MARK3: variants seen among roughly 807,000 people sequenced by gnomAD.
MARK3 encodes the protein microtubule affinity regulating kinase 3.
A neutral mutation model predicts 90.1 loss-of-function variants in MARK3; 46 were observed. That is an observed-to-expected ratio of 0.51 (90% CI 0.40 to 0.65). The LOEUF is 0.65. MARK3 is among the 30% of genes least tolerant of loss of function. The pLI is 0.00. For missense variants in MARK3, 818 were observed against 947.2 expected, an observed-to-expected ratio of 0.86 and a Z score of 1.79; for synonymous variants, 321 against 332.6, an observed-to-expected ratio of 0.97 and a Z score of 0.38.
intron 2 of MARK3, 126 bp from the exon 3 acceptor site, chr14:103,428,261 T>G (rs1348526414): frequency 1.8e-6 from 1 of 553,188 alleles, no homozygotes; most frequent in East Asian, 3.4e-5. Context: ...TGTAACCAGC[T>G]GAGTTTTAGG....
At chr14:103,415,152 A>C (rs1274855739) in intron 2 of MARK3, among the ~76,000 whole-genome samples, 2 of 145,840 alleles carry the variant, frequency 1.4e-5, no homozygotes, top group South Asian at 2.2e-4. Flanking sequence ...CCTTGTCTCA[A>C]AAAAAAAAAA....
At chr14:103,413,139 G>T (rs1050181889) in intron 2 of MARK3, among the ~76,000 whole-genome samples, 6 of 152,152 alleles carry the variant, frequency 3.9e-5, no homozygotes, top group Non-Finnish European at 2.9e-5. Flanking sequence ...CTCCCAAAGT[G>T]CTGGGATTAC....
chr14:103,440,203 CTG>C, intron 3 of MARK3, among the ~76,000 whole-genome samples: 1 of 152,312 alleles, frequency 6.6e-6, no homozygotes, highest in South Asian at 2.1e-4. Flanking sequence ...ATATGCCACT[CTG>C]TATTTATTCT....
At position 103,503,152 on chromosome 14, in the gene MARK3, G is replaced by T; in HGVS notation, c.2187G>T (p.Arg729=). The change falls in exon 18 of 18, where the codon CGG becomes CGT. Residue 729 remains arginine, a synonymous_variant. Coordinates refer to ENST00000429436, the MANE Select transcript of MARK3 (RefSeq NM_001128918.3). ...KLPRLSLNGV[R]FKRISGTSIA... Reference sequence around the variant, plus strand: ...CAAGACTGTCTCTGAACGGGGTCCGGTTTAAGCGGATATCGGGGACATCCA... The same window carrying T: ...CAAGACTGTCTCTGAACGGGGTCCGTTTTAAGCGGATATCGGGGACATCCA... The T allele has an allele frequency of 6.2e-7, 1 of 1,614,230 alleles. No homozygotes were observed. Among genetic ancestry groups the T allele is most frequent in the South Asian group, 1.1e-5 (1 of 91,084 alleles).
chr14:103,452,469 G>GTTTTT (rs1404035040), intron 5 of MARK3, among the ~76,000 whole-genome samples: 4 of 84,178 alleles, frequency 4.8e-5, no homozygotes, highest in Non-Finnish European at 9.6e-5. Context: ...TACAGGATTT[G>GTTTTT]TCTTTTTTTT....
chr14:103,458,650 C>CA, intron 6 of MARK3: 1 of 594,818 alleles, frequency 1.7e-6, no homozygotes, highest in African/African-American at 1.9e-5. Context: ...TCTGTATTCT[C>CA]ACAAGGCCTA....
intron 1 of MARK3, among the ~76,000 whole-genome samples, chr14:103,397,414 C>T (rs1453360244): frequency 6.6e-6 from 1 of 151,718 alleles, no homozygotes; most frequent in Admixed American, 6.6e-5. Context: ...GCAACCTCCG[C>T]CTCCCAGGTT....
chr14:103,480,867 G>A (rs2093807222), intron 14 of MARK3, among the ~76,000 whole-genome samples: 1 of 152,204 alleles, frequency 6.6e-6, no homozygotes, highest in Non-Finnish European at 1.5e-5. Context: ...ACGTGAGGCA[G>A]AGAGTCATAC....
chr14:103,473,498 G>A (rs780128240), intron 12 of MARK3, among the ~76,000 whole-genome samples: 8 of 152,154 alleles, frequency 5.3e-5, no homozygotes, highest in Admixed American at 3.3e-4. Context: ...GTCAGTAGAC[G>A]TCTCATGGTA....
chr14:103,477,361 G>A (rs775040248), intron 13 of MARK3, among the ~76,000 whole-genome samples: 26 of 152,034 alleles, frequency 1.7e-4, no homozygotes, highest in Non-Finnish European at 2.6e-4. Flanking sequence ...GTATAGTGGC[G>A]TGCTCCTGTA....
At chr14:103,393,972 T>G (rs12890750) in intron 1 of MARK3, among the ~76,000 whole-genome samples, 96,347 of 151,970 alleles carry the variant, frequency 0.63, 31,027 homozygotes, top group East Asian at 0.86. Flanking sequence ...CACCTTGGGT[T>G]ATCCGCCTGC....
intron 2 of MARK3, among the ~76,000 whole-genome samples, chr14:103,420,074 A>G (rs913235694): frequency 6.6e-6 from 1 of 152,196 alleles, no homozygotes; most frequent in Non-Finnish European, 1.5e-5. Flanking sequence ...TATATTCCAT[A>G]TAAGATATAG....
Position 103,386,100 on chromosome 14 carries a change from TAGTTGGCGGA to T in MARK3, c.51+21_51+30del. ...GAAAACGTAAGTAACCTGGGCGTTG[TAGTTGGCGGA>T]CCTTCGGGGTGGCATTCGTGCTCCT... On this transcript the variant is annotated intron_variant, in intron 1 of 17. Transcript: ENST00000429436. 1 of 1,613,676 alleles carries T rather than the reference TAGTTGGCGGA, an allele frequency of 6.2e-7. No homozygotes were observed. Among genetic ancestry groups the T allele is most frequent in the Non-Finnish European group, 8.5e-7 (1 of 1,179,524 alleles).
rs751231451 is a variant in MARK3 at position 103,474,999 on chromosome 14, C to A, written c.1271C>A (p.Pro424Gln). 1.1e-5 allele frequency: 18 copies of A among 1,609,992 alleles called. No homozygotes were observed. The highest frequency in any genetic ancestry group is 1.4e-5 in the Non-Finnish European group (17 of 1,176,540). The change falls in exon 13 of 18, where the codon CCA becomes CAA. Residue 424 changes from proline (P) to glutamine (Q), a missense_variant. By Grantham distance (76) the Pro-to-Gln change is moderately conservative. Around this residue, in one of 3 missense-constraint regions of MARK3, gnomAD observed 560 missense variants for 613.5 expected, o/e 0.91. Transcript: ENST00000429436. ...AATGAACTCTTTATTTTAGCTGGAC[C>A]AGCTATTCCTTCTGTTGTGGCGTAT... ...KQRRYSDHAG[P>Q]AIPSVVAYPK...
rs374929121 is a variant in MARK3, at chr14:103,457,131, C to T, written c.413-11C>T. 1.3e-5 allele frequency: 20 copies of T among 1,544,648 alleles called. No homozygotes were observed. The highest frequency in any genetic ancestry group is 5.5e-5 in the African/African-American group (4 of 73,338). On this transcript the variant is annotated splice_polypyrimidine_tract_variant and intron_variant, in intron 5 of 17. Coordinates refer to ENST00000429436, the MANE Select transcript of MARK3 (RefSeq NM_001128918.3). The stretch of plus-strand genomic sequence containing the variant: ...AGGATTTCTACTTACTTTTATTTCT[C>T]TCACCTATAGGTGAAGTATTTGACT...
At chr14:103,459,083 C>CT (rs2093341956) in intron 6 of MARK3, among the ~76,000 whole-genome samples, 1 of 152,066 alleles carries the variant, frequency 6.6e-6, no homozygotes. Context: ...CATAACTGTA[C>CT]TCTTAATTTT....
rs148329677 is a variant in MARK3, at chr14:103,398,192, A to G, written c.52-6884A>G. On this transcript the variant is annotated intron_variant, in intron 1 of 17. Coordinates refer to ENST00000429436, the MANE Select transcript of MARK3 (RefSeq NM_001128918.3). ...TCAACATCTTCATGCATGTCCCCTT[A>G]TGGAGCAATGTAAGAGTTTCTTTGG... is the stretch of plus-strand genomic sequence containing the variant. 2.2e-3 allele frequency among the ~76,000 whole-genome samples: 342 copies of G among 152,280 alleles called. 4 individuals carry two copies. The highest frequency in any genetic ancestry group is 1.5e-3 in the Non-Finnish European group (104 of 68,030).
At chr14:103,393,228 C>T (rs555905611) in intron 1 of MARK3, among the ~76,000 whole-genome samples, 2 of 152,284 alleles carry the variant, frequency 1.3e-5, no homozygotes, top group Admixed American at 1.3e-4. Context: ...GATCCTCCCA[C>T]TTCCCTCCTC....
chr14:103,439,511 C>T (rs1227988537), intron 3 of MARK3, among the ~76,000 whole-genome samples: 8 of 151,998 alleles, frequency 5.3e-5, no homozygotes, highest in Admixed American at 6.6e-5. Flanking sequence ...CAAGTTCAAG[C>T]GATTCTTGTG....
Sources: gnomAD v4.1 joint callset for allele counts (sites outside exome capture counted in the v4.1 genomes callset) on GRCh38, gnomAD v4.1.1 for gene constraint, gnomAD v4.1.1 regional missense constraint, MANE v1.5 for transcripts, NCBI Gene and HGNC (gene_info 2026-07-23, HGNC 2026-07-21) for gene names.